Variants in NOS1 observed in about 807,000 individuals in gnomAD.
The protein encoded by NOS1 is NOS type I.
In NOS1, 51 loss-of-function variants were observed where a neutral mutation model predicts 164.5. The ratio of observed to expected loss-of-function variants is 0.31; its 90% CI spans 0.25 to 0.39. NOS1 has a LOEUF of 0.39. Among genes scored for constraint, NOS1 ranks in the 10% least tolerant of loss-of-function variants. NOS1 has a pLI of 1.00. For missense variants in NOS1, 1,362 were observed against 1,885.6 expected, an observed-to-expected ratio of 0.72 and a Z score of 5.14; for synonymous variants, 719 against 745.8, an observed-to-expected ratio of 0.96 and a Z score of 0.59.
chr12:117,232,391 G>A (rs141926205), intron 21 of NOS1, among the ~76,000 whole-genome samples: 22 of 152,230 alleles, frequency 1.4e-4, no homozygotes, highest in African/African-American at 5.3e-4. Context: ...AAAATAGCAT[G>A]ACAGTCCACT....
At chr12:117,232,530 A>C in intron 21 of NOS1, among the ~76,000 whole-genome samples, 1 of 152,170 alleles carries the variant, frequency 6.6e-6, no homozygotes, top group Admixed American at 6.5e-5. Context: ...ATAAACACTA[A>C]CACATTCTAT....
rs1035873306 is a variant in NOS1 at position 117,211,030 on chromosome 12, C to G, written c.*4279G>C. 2 of 780,690 alleles carry G rather than the reference C, an allele frequency of 2.6e-6. No individual in the cohort carries two copies. Among genetic ancestry groups the G allele is most frequent in the Admixed American group, 1.3e-4 (2 of 15,990 alleles). 48.4% of individuals were successfully genotyped at this position (780,690 alleles called of 1,614,324 possible). ...GGAGTGCAGTGGTACAATCTTGGCTCACTGCAGCCTCCACCTCCTGGGCTC... is the reference window on the plus strand; with the variant it reads ...GGAGTGCAGTGGTACAATCTTGGCTGACTGCAGCCTCCACCTCCTGGGCTC... On this transcript the variant is annotated 3_prime_UTR_variant, in exon 29 of 29. Coordinates refer to ENST00000317775, the MANE Select transcript of NOS1 (RefSeq NM_000620.5).
intron 10 of NOS1, among the ~76,000 whole-genome samples, chr12:117,268,443 A>T (rs1309283053): frequency 1.3e-5 from 2 of 151,756 alleles, no homozygotes; most frequent in South Asian, 2.1e-4. Context: ...TGTTGGCCAG[A>T]CTGGTCTCAA....
At chr12:117,350,297 G>A (rs1177049280) in intron 1 of NOS1, among the ~76,000 whole-genome samples, 2 of 152,166 alleles carry the variant, frequency 1.3e-5, no homozygotes, top group Admixed American at 6.5e-5. Context: ...GATGTGTGAC[G>A]TGCTCACGGA....
rs1956467004 is a variant in NOS1, at chr12:117,208,202, A to G, written c.*7107T>C. 9.1e-7 allele frequency: 1 copy of G among 1,098,862 alleles called. No individual in the cohort carries two copies. The allele number at this position is 1,098,862 out of a possible 1,614,324, so 68.1% of individuals were successfully genotyped here. A position where few individuals can be genotyped will look rare whatever the true frequency, so the allele number is the denominator to read the frequency against. Reference sequence around the variant, plus strand: ...AACAAGCATAATAGGCTTTTGTTGAATCCCATAAAATTGGAAGATGAGAAC... The same window carrying G: ...AACAAGCATAATAGGCTTTTGTTGAGTCCCATAAAATTGGAAGATGAGAAC... On this transcript the variant is annotated 3_prime_UTR_variant, in exon 29 of 29. Transcript: ENST00000317775.
chr12:117,337,585 C>T (rs1422923959), intron 1 of NOS1, among the ~76,000 whole-genome samples: 1 of 152,134 alleles, frequency 6.6e-6, no homozygotes, highest in Non-Finnish European at 1.5e-5. Flanking sequence ...GCAGAAGACA[C>T]TTCTTAAAGT....
chr12:117,262,956 A>G (rs1872061270), intron 13 of NOS1, among the ~76,000 whole-genome samples: 1 of 151,234 alleles, frequency 6.6e-6, no homozygotes, highest in Non-Finnish European at 1.5e-5. Flanking sequence ...CTCAATTGTC[A>G]CCTCCTCCAG....
intron 28 of NOS1, among the ~76,000 whole-genome samples, chr12:117,216,951 A>T (rs1956621102): frequency 6.6e-6 from 1 of 152,150 alleles, no homozygotes; most frequent in Non-Finnish European, 1.5e-5. Flanking sequence ...GAGACAGCTG[A>T]GTCCCCACCC....
intron 21 of NOS1, among the ~76,000 whole-genome samples, chr12:117,232,787 A>G (rs1203051657): frequency 1.3e-5 from 2 of 152,200 alleles, no homozygotes; most frequent in African/African-American, 4.8e-5. Flanking sequence ...CCTCTTCTCC[A>G]TCAGGGGTTC....
intron 9 of NOS1, among the ~76,000 whole-genome samples, chr12:117,274,769 C>CAAAAAAAAAAAAA (rs71099039): frequency 1.3e-5 from 1 of 77,018 alleles, no homozygotes; most frequent in Non-Finnish European, 2.2e-5. Flanking sequence ...CTCCGTCTCA[C>CAAAAAAAAAAAAA]AAAAAAAAAA....
chr12:117,342,036 C>T (rs567514756), intron 1 of NOS1, among the ~76,000 whole-genome samples: 6 of 152,278 alleles, frequency 3.9e-5, no homozygotes, highest in Middle Eastern at 3.4e-3. Context: ...TCAGCGGTCT[C>T]GGAAACTTTT....
chr12:117,269,464 GTTTTTTTTTTT>G (rs1164630635), intron 10 of NOS1, among the ~76,000 whole-genome samples: 1 of 118,422 alleles, frequency 8.4e-6, no homozygotes, highest in Non-Finnish European at 1.6e-5. Context: ...CTGGAGATTT[GTTTTTTTTTTT>G]TTTTTTTTTT....
At chr12:117,260,725 C>T (rs1871834135) in intron 13 of NOS1, 116 bp from the exon 14 acceptor site, 6 of 1,156,596 alleles carry the variant, frequency 5.2e-6, no homozygotes, top group Admixed American at 5.0e-5. Context: ...AGAGAACTCT[C>T]TTGATCTTTG....
intron 1 of NOS1, among the ~76,000 whole-genome samples, chr12:117,359,334 A>C (rs936118859): frequency 2.0e-5 from 3 of 152,176 alleles, no homozygotes; most frequent in African/African-American, 7.2e-5. Context: ...CTGCCACAAG[A>C]GCCCTTTTCC....
chr12:117,230,129 G>T (rs1284134074), intron 22 of NOS1, among the ~76,000 whole-genome samples: 1 of 151,854 alleles, frequency 6.6e-6, no homozygotes, highest in South Asian at 2.1e-4. Flanking sequence ...GCCCGGGTTG[G>T]TTCCAAACTC....
Position 117,266,135 on chromosome 12 carries a change from T to G in NOS1, c.1942-625A>C, listed in dbSNP as rs142603742. Among the ~76,000 whole-genome samples the G allele has an allele frequency of 1.1e-3, 167 of 152,178 alleles. 3 individuals are homozygous for G. In the East Asian group the frequency reaches 0.029, roughly 26 times the overall value. Reference sequence around the variant, plus strand: ...CTATTTTTTAATTTTTATAGGCTTTTGGGGAACAGGTGGTGCTTGGTGACA... The same window carrying G: ...CTATTTTTTAATTTTTATAGGCTTTGGGGGAACAGGTGGTGCTTGGTGACA... On this transcript the variant is annotated intron_variant, in intron 11 of 28. Coordinates refer to ENST00000317775, the MANE Select transcript of NOS1 (RefSeq NM_000620.5).
intron 1 of NOS1, among the ~76,000 whole-genome samples, chr12:117,351,071 G>A (rs1166384811): frequency 2.0e-5 from 3 of 152,018 alleles, no homozygotes; most frequent in African/African-American, 4.8e-5. Context: ...CCGAGATCGC[G>A]CCACTGCACT....
intron 1 of NOS1, among the ~76,000 whole-genome samples, chr12:117,349,697 G>A (rs534616089): frequency 6.6e-6 from 1 of 152,264 alleles, no homozygotes; most frequent in African/African-American, 2.4e-5. Context: ...CTAGTCTGTA[G>A]CAAGTACATG....
chr12:117,258,575 G>T, intron 15 of NOS1, 120 bp from the exon 16 acceptor site: 3 of 913,796 alleles, frequency 3.3e-6, no homozygotes, highest in Non-Finnish European at 5.3e-6. Flanking sequence ...AGGCCAGGAT[G>T]TCAGGAGCGG....
Sources: gnomAD v4.1 joint callset for allele counts (sites outside exome capture counted in the v4.1 genomes callset) on GRCh38, gnomAD v4.1.1 for gene constraint, MANE v1.5 for transcripts, NCBI Gene and HGNC (gene_info 2026-07-23, HGNC 2026-07-21) for gene names.